TNKS: variants seen among roughly 807,000 people sequenced by gnomAD.
TNKS encodes the protein poly [ADP-ribose] polymerase tankyrase-1.
A neutral mutation model predicts 135.8 loss-of-function variants in TNKS; 72 were observed. That is an observed-to-expected ratio of 0.53 (90% CI 0.44 to 0.64). The LOEUF is 0.64. Ranked by LOEUF, TNKS falls within the 30% of genes least tolerant of loss-of-function variation. TNKS has a pLI of 0.00. For synonymous variants in TNKS, 849 were observed against 649.3 expected, an observed-to-expected ratio of 1.31 and a Z score of -4.68; for missense variants, 1,769 against 1,674.0, an observed-to-expected ratio of 1.06 and a Z score of -0.99.
At chr8:9,654,018 G>C (rs1801246214) in intron 3 of TNKS, among the ~76,000 whole-genome samples, 6 of 152,176 alleles carry the variant, frequency 3.9e-5, no homozygotes, top group Admixed American at 3.9e-4. Context: ...TGGGACCACA[G>C]CCCTTTAGCT....
At chr8:9,760,587 G>A (rs927533625) in intron 20 of TNKS, among the ~76,000 whole-genome samples, 25 of 152,204 alleles carry the variant, frequency 1.6e-4, no homozygotes, top group African/African-American at 6.0e-4. Context: ...TTGTAGACTA[G>A]TATATGGATT....
chr8:9,674,758 C>G (rs1802465351), intron 3 of TNKS, among the ~76,000 whole-genome samples: 2 of 152,064 alleles, frequency 1.3e-5, no homozygotes, highest in African/African-American at 4.8e-5. Flanking sequence ...TTTAAAAGGT[C>G]AAGGTTCCAG....
chr8:9,604,471 A>C (rs993825691), intron 2 of TNKS, among the ~76,000 whole-genome samples: 3 of 152,058 alleles, frequency 2.0e-5, no homozygotes, highest in African/African-American at 4.8e-5. Flanking sequence ...TGGAAATGGA[A>C]TTGTAATTAA....
At chr8:9,731,760 T>G (rs1177924586) in intron 14 of TNKS, among the ~76,000 whole-genome samples, 1 of 152,154 alleles carries the variant, frequency 6.6e-6, no homozygotes, top group Non-Finnish European at 1.5e-5. Context: ...AATGCTTGTA[T>G]ATAGTATTTT....
chr8:9,580,052 G>C, intron 1 of TNKS, 107 bp from the exon 2 acceptor site: 1 of 854,446 alleles, frequency 1.2e-6, no homozygotes, highest in Non-Finnish European at 1.9e-6. Context: ...TTACTATAGA[G>C]TGCAGTACTT....
chr8:9,648,944 GAAA>G, intron 3 of TNKS, among the ~76,000 whole-genome samples: 1 of 134,432 alleles, frequency 7.4e-6, no homozygotes, highest in South Asian at 2.4e-4. Flanking sequence ...ATTCCTGGGA[GAAA>G]AAAAAAAAAA....
At chr8:9,637,222 G>T (rs33972793) in intron 3 of TNKS, among the ~76,000 whole-genome samples, 113,848 of 152,068 alleles carry the variant, frequency 0.75, 43,089 homozygotes, top group Non-Finnish European at 0.81. Context: ...TGCTTTTCAA[G>T]TGTAGACTGT....
intron 20 of TNKS, among the ~76,000 whole-genome samples, chr8:9,759,992 C>CAA (rs529191810): frequency 8.9e-6 from 1 of 112,450 alleles, no homozygotes; most frequent in African/African-American, 3.3e-5. Flanking sequence ...GAAAACAAAA[C>CAA]AAAAAAAAAA....
intron 2 of TNKS, among the ~76,000 whole-genome samples, chr8:9,591,520 T>A (rs1224470679): frequency 6.6e-6 from 1 of 152,218 alleles, no homozygotes; most frequent in African/African-American, 2.4e-5. Context: ...TGGCTGAGCA[T>A]GTTGAGAATA....
At chr8:9,694,238 CA>C (rs1285732404) in intron 5 of TNKS, among the ~76,000 whole-genome samples, 3 of 152,108 alleles carry the variant, frequency 2.0e-5, no homozygotes, top group African/African-American at 7.2e-5. Context: ...AAATGTAAAT[CA>C]AAAGCTGACA....
rs1022022831 is a variant in TNKS at position 9,780,562 on chromosome 8, G to A, written c.*3826G>A. 1.3e-5 allele frequency: 2 copies of A among 152,176 alleles called. No homozygotes were observed. The highest frequency in any genetic ancestry group is 1.5e-5 in the Non-Finnish European group (1 of 68,024). 9.4% of individuals were successfully genotyped at this position (152,176 alleles called of 1,614,324 possible). On this transcript the variant is annotated 3_prime_UTR_variant, in exon 27 of 27. Transcript: ENST00000310430. The stretch of plus-strand genomic sequence containing the variant: ...TAGCATATGGAAAGCAAATGCACTC[G>A]AAAACTACTATTCTAGAACATGAGG...
At chr8:9,744,665 G>A (rs1472878390) in intron 17 of TNKS, among the ~76,000 whole-genome samples, 2 of 152,134 alleles carry the variant, frequency 1.3e-5, no homozygotes, top group Non-Finnish European at 2.9e-5. Flanking sequence ...CTTATATACT[G>A]TGTTGAATAG....
chr8:9,726,816 G>C lies in TNKS; in HGVS notation c.2001+96G>C, dbSNP rs945878596. The C allele has an allele frequency of 7.2e-6, 7 of 978,878 alleles. No individual in the cohort carries two copies. The African/African-American group carries it at 1.1e-4, about 16-fold the overall frequency. 60.6% of individuals were successfully genotyped at this position (978,878 alleles called of 1,614,324 possible). On this transcript the variant is annotated intron_variant, in intron 13 of 26. Coordinates refer to ENST00000310430, the MANE Select transcript of TNKS (RefSeq NM_003747.3). ...AAGTATATCTACTCAAATACAAACA[G>C]TAAAAAGGATGAACAGAGTCATGGG...
chr8:9,635,141 G>GCCTGGACTCCA (rs1351001567), intron 3 of TNKS, among the ~76,000 whole-genome samples: 1 of 151,122 alleles, frequency 6.6e-6, no homozygotes, highest in African/African-American at 2.4e-5. Flanking sequence ...CTGCACTCCA[G>GCCTGGACTCCA]CCTGGACGAC....
chr8:9,614,098 C>T (rs1351666688), intron 2 of TNKS, among the ~76,000 whole-genome samples: 1 of 152,066 alleles, frequency 6.6e-6, no homozygotes, highest in Non-Finnish European at 1.5e-5. Flanking sequence ...CTTGAGTCTG[C>T]TTTATGATAA....
At chr8:9,755,807 A>G (rs923097428) in intron 20 of TNKS, among the ~76,000 whole-genome samples, 1 of 152,152 alleles carries the variant, frequency 6.6e-6, no homozygotes, top group Non-Finnish European at 1.5e-5. Context: ...GGGGTGTGGA[A>G]TGTAGTTATT....
At chr8:9,634,293 T>TG (rs1289037445) in intron 3 of TNKS, among the ~76,000 whole-genome samples, 1 of 151,894 alleles carries the variant, frequency 6.6e-6, no homozygotes, top group Admixed American at 6.6e-5. Flanking sequence ...AAATTGAAGA[T>TG]GGGGGAAAAA....
At chr8:9,676,895 A>C (rs189082444) in intron 3 of TNKS, among the ~76,000 whole-genome samples, 3 of 152,228 alleles carry the variant, frequency 2.0e-5, no homozygotes, top group African/African-American at 7.2e-5. Context: ...CTTGACTATA[A>C]TTGCCTAGTT....
chr8:9,673,025 T>A (rs1802369975), intron 3 of TNKS, among the ~76,000 whole-genome samples: 1 of 152,202 alleles, frequency 6.6e-6, no homozygotes, highest in Admixed American at 6.5e-5. Flanking sequence ...TCTTTTACCT[T>A]TTAATATCCA....
Sources: gnomAD v4.1 joint callset for allele counts (sites outside exome capture counted in the v4.1 genomes callset) on GRCh38, gnomAD v4.1.1 for gene constraint, MANE v1.5 for transcripts, NCBI Gene and HGNC (gene_info 2026-07-23, HGNC 2026-07-21) for gene names.